Variants in ATG10 observed in about 807,000 individuals in gnomAD.
The protein encoded by ATG10 is ubiquitin-like-conjugating enzyme ATG10.
In ATG10, 30 loss-of-function variants were observed where a neutral mutation model predicts 32.1. That is an observed-to-expected ratio of 0.94 (90% confidence interval 0.70 to 1.27). The LOEUF is 1.27. Ranked by LOEUF, ATG10 falls within the 50% of genes most tolerant of loss-of-function variation. The probability of loss-of-function intolerance (pLI) is 0.00; values close to 1 mark genes in which losing one functional copy is unlikely to be tolerated. For missense variants in ATG10, 233 were observed against 262.3 expected (o/e 0.89, Z 0.77); for synonymous variants, 87 against 91.5 (o/e 0.95, Z 0.28).
intron 3 of ATG10, among the ~76,000 whole-genome samples, chr5:82,060,699 T>C (rs902988000): frequency 6.6e-6 from 1 of 152,170 alleles, no homozygotes; most frequent in Admixed American, 6.6e-5. Flanking sequence ...CCCCCATCTC[T>C]ACTAAAAATA....
intron 2 of ATG10, among the ~76,000 whole-genome samples, chr5:82,001,504 C>A (rs976122769): frequency 3.9e-5 from 6 of 152,100 alleles, no homozygotes; most frequent in African/African-American, 1.2e-4. Flanking sequence ...CACACATATA[C>A]AACCATCTGA....
intron 3 of ATG10, among the ~76,000 whole-genome samples, chr5:82,095,047 A>G (rs1043532447): frequency 1.3e-5 from 2 of 152,214 alleles, no homozygotes; most frequent in African/African-American, 2.4e-5. Context: ...AATAGTGAGC[A>G]TGTATAGCTT....
intron 3 of ATG10, among the ~76,000 whole-genome samples, chr5:82,079,345 G>T (rs745997322): frequency 3.9e-5 from 6 of 151,996 alleles, no homozygotes; most frequent in Non-Finnish European, 8.8e-5. Flanking sequence ...CAAAGAGAGA[G>T]AGAGCACTTG....
intron 5 of ATG10, among the ~76,000 whole-genome samples, chr5:82,206,636 C>T (rs565063079): frequency 6.8e-5 from 10 of 146,642 alleles, no homozygotes; most frequent in South Asian, 2.1e-4. Flanking sequence ...GGCGACAGAG[C>T]GAGACTCCAT....
intron 3 of ATG10, among the ~76,000 whole-genome samples, chr5:82,161,696 A>AACACACACACACAC (rs60780834): frequency 0.12 from 15,318 of 129,442 alleles, 1,150 homozygotes; most frequent in East Asian, 0.25. Flanking sequence ...TTAGAGAATA[A>AACACACACACACAC]ACACACACAC....
intron 3 of ATG10, among the ~76,000 whole-genome samples, chr5:82,083,833 C>G (rs188424237): frequency 6.6e-6 from 1 of 152,316 alleles, no homozygotes; most frequent in African/African-American, 2.4e-5. Context: ...ATGTCACCAT[C>G]ATCAAAGACC....
intron 3 of ATG10, among the ~76,000 whole-genome samples, chr5:82,082,930 C>T (rs1007813724): frequency 6.6e-6 from 1 of 152,162 alleles, no homozygotes. Context: ...CCAGCGTGAG[C>T]GACACAGAAG....
chr5:82,148,839 T>C (rs1330255699), intron 3 of ATG10, among the ~76,000 whole-genome samples: 1 of 152,172 alleles, frequency 6.6e-6, no homozygotes, highest in Non-Finnish European at 1.5e-5. Flanking sequence ...CTTCTGTGAT[T>C]TCCATGTCAT....
chr5:82,155,381 A>G (rs1221979067), intron 3 of ATG10, among the ~76,000 whole-genome samples: 1 of 152,184 alleles, frequency 6.6e-6, no homozygotes, highest in Non-Finnish European at 1.5e-5. Context: ...AATATAATAA[A>G]ATGAAATTAA....
chr5:82,225,097 A>G (rs1746070081), intron 5 of ATG10, among the ~76,000 whole-genome samples: 1 of 152,206 alleles, frequency 6.6e-6, no homozygotes, highest in Non-Finnish European at 1.5e-5. Flanking sequence ...TAGTTGACCA[A>G]TAGGATAATT....
intron 3 of ATG10, among the ~76,000 whole-genome samples, chr5:82,079,414 C>G (rs1429406873): frequency 6.6e-6 from 1 of 151,252 alleles, no homozygotes; most frequent in Non-Finnish European, 1.5e-5. Context: ...ATGTGCACAA[C>G]ATGCAGGTTT....
intron 5 of ATG10, among the ~76,000 whole-genome samples, chr5:82,230,240 T>C (rs1402928490): frequency 6.6e-6 from 1 of 152,198 alleles, no homozygotes; most frequent in Non-Finnish European, 1.5e-5. Flanking sequence ...AAGACAGGGC[T>C]ACTTAAAACA....
chr5:82,121,716 A>G (rs1056669852), intron 3 of ATG10, among the ~76,000 whole-genome samples: 3 of 152,166 alleles, frequency 2.0e-5, no homozygotes, highest in African/African-American at 7.2e-5. Context: ...ATCTATTGAG[A>G]TAATGATGTG....
chr5:82,243,646 C>A (rs113113275), intron 5 of ATG10, among the ~76,000 whole-genome samples: 1 of 152,040 alleles, frequency 6.6e-6, no homozygotes. Flanking sequence ...TCACAGCTTC[C>A]GGATATATAA....
At chr5:82,151,965 A>G (rs1767615690) in intron 3 of ATG10, among the ~76,000 whole-genome samples, 1 of 152,200 alleles carries the variant, frequency 6.6e-6, no homozygotes, top group African/African-American at 2.4e-5. Flanking sequence ...CATTAAAATC[A>G]CCTATCAAAA....
chr5:82,011,860 C>CA (rs1762136606), intron 2 of ATG10, among the ~76,000 whole-genome samples: 1 of 152,196 alleles, frequency 6.6e-6, no homozygotes, highest in Non-Finnish European at 1.5e-5. Flanking sequence ...GAGTGGAAGG[C>CA]TGCCAGGGTT....
chr5:81,983,598 G>GC (rs1219372504), intron 1 of ATG10, among the ~76,000 whole-genome samples: 1 of 141,648 alleles, frequency 7.1e-6, no homozygotes, highest in East Asian at 2.2e-4. Context: ...GGGCAGAGGC[G>GC]CCCCTCACCT....
intron 2 of ATG10, among the ~76,000 whole-genome samples, chr5:82,015,396 C>T (rs1762256394): frequency 6.6e-6 from 1 of 152,186 alleles, no homozygotes; most frequent in Non-Finnish European, 1.5e-5. Flanking sequence ...TGGGGAAGTT[C>T]TCCTGGATAA....
chr5:82,022,912 TTAAC>T (rs140626737), intron 2 of ATG10, among the ~76,000 whole-genome samples: 2 of 151,976 alleles, frequency 1.3e-5, no homozygotes, highest in East Asian at 1.9e-4. Flanking sequence ...TGAATATTCA[TTAAC>T]TAAGTTAGAA....
Sources: gnomAD v4.1 joint callset for allele counts (sites outside exome capture counted in the v4.1 genomes callset) on GRCh38, gnomAD v4.1.1 for gene constraint, MANE v1.5 for transcripts, NCBI Gene and HGNC (gene_info 2026-07-23, HGNC 2026-07-21) for gene names.